IDE: variants seen among roughly 807,000 people sequenced by gnomAD.
IDE encodes insulin-degrading enzyme.
IDE carries 58 observed loss-of-function variants against 133.2 expected under a neutral mutation model. The observed-to-expected ratio is 0.44, with a 90% CI of 0.35 to 0.54. The LOEUF (loss-of-function observed/expected upper bound fraction) is 0.54, where lower values mean the gene tolerates loss of function less well. Ranked by LOEUF, IDE falls within the 20% of genes least tolerant of loss-of-function variation. The pLI, the probability that IDE is intolerant of heterozygous loss-of-function variation, is 0.00. For synonymous variants in IDE, 396 were observed against 421.3 expected, an observed-to-expected ratio of 0.94 and a Z score of 0.73; for missense variants, 981 against 1,234.0, an observed-to-expected ratio of 0.79 and a Z score of 3.07.
intron 4 of IDE, among the ~76,000 whole-genome samples, chr10:92,515,669 C>T (rs1473342081): frequency 6.8e-6 from 1 of 147,918 alleles, no homozygotes; most frequent in African/African-American, 2.5e-5. Flanking sequence ...TCAAGTGATT[C>T]TCCTGCCTCT....
intron 11 of IDE, among the ~76,000 whole-genome samples, chr10:92,494,228 A>ATT (rs56276579): frequency 1.1e-4 from 14 of 130,662 alleles, no homozygotes; most frequent in South Asian, 5.0e-4. Context: ...TACCCAGCCA[A>ATT]TTTTTTTTTT....
intron 17 of IDE, among the ~76,000 whole-genome samples, chr10:92,472,760 T>C (rs1846032328): frequency 6.7e-6 from 1 of 149,852 alleles, no homozygotes. Context: ...TGCCTCAGCC[T>C]ACCAAGTAGC....
chr10:92,510,650 G>T (rs1054418889), intron 5 of IDE, among the ~76,000 whole-genome samples: 1 of 150,818 alleles, frequency 6.6e-6, no homozygotes, highest in African/African-American at 2.4e-5. Flanking sequence ...TCACATATAT[G>T]ATATATATCA....
Position 92,468,966 on chromosome 10 carries a change from C to T in IDE, c.2233G>A (p.Val745Ile). The T allele has an allele frequency of 6.2e-7, 1 of 1,608,314 alleles. No individual in the cohort carries two copies. Among genetic ancestry groups the T allele is most frequent in the Non-Finnish European group, 8.5e-7 (1 of 1,174,724 alleles). Residue 745 changes from valine to isoleucine, a missense_variant, in exon 19 of 25, where the codon GTT becomes ATT. Coordinates refer to ENST00000265986, the MANE Select transcript of IDE (RefSeq NM_004969.4). ...GCATGTTCAATGAGGGTGTCTTCAA[C>T]CATCTGCATAATTCCTAATGCAGCC... is the stretch of plus-strand genomic sequence containing the variant. ...KQAALGIMQM[V>I]EDTLIEHAHT...
intron 14 of IDE, among the ~76,000 whole-genome samples, chr10:92,481,333 T>G (rs1319294395): frequency 1.3e-5 from 2 of 152,090 alleles, no homozygotes; most frequent in East Asian, 3.9e-4. Flanking sequence ...TCCCAGCTAC[T>G]CAGGAGGCTG....
intron 11 of IDE, among the ~76,000 whole-genome samples, chr10:92,503,381 G>C (rs1454246127): frequency 6.6e-6 from 1 of 152,098 alleles, no homozygotes; most frequent in East Asian, 1.9e-4. Context: ...TGCTGCTCAG[G>C]CTGGTCTTAA....
chr10:92,534,816 A>G, intron 2 of IDE, 31 bp from the exon 3 acceptor site: 1 of 1,528,720 alleles, frequency 6.5e-7, no homozygotes, highest in Non-Finnish European at 9.0e-7. Flanking sequence ...ATAATAAATC[A>G]TTGTCCTATG....
Position 92,537,405 on chromosome 10 carries a change from T to TG in IDE, c.243dup (p.Thr82HisfsTer4). On this transcript the variant is annotated frameshift_variant, in exon 2 of 25. Transcript: ENST00000265986. LOFTEE classifies it high-confidence loss of function. ...AGTGCTGCTGATGACTTATCCGTGG[T>TG]GGGATCACTGATAAGAAGTACTTTG... 1.2e-6 allele frequency: 2 copies of TG among 1,612,936 alleles called. No homozygotes were observed. The highest frequency in any genetic ancestry group is 1.7e-6 in the Non-Finnish European group (2 of 1,179,728).
intron 4 of IDE, among the ~76,000 whole-genome samples, chr10:92,523,828 C>T (rs1385581758): frequency 1.3e-5 from 2 of 152,056 alleles, no homozygotes; most frequent in African/African-American, 4.8e-5. Context: ...TTCCCACTCA[C>T]TCTTTGACCT....
intron 13 of IDE, among the ~76,000 whole-genome samples, chr10:92,484,966 G>T (rs763973268): frequency 6.6e-6 from 1 of 151,740 alleles, no homozygotes; most frequent in Non-Finnish European, 1.5e-5. Context: ...TGAGGTGGGT[G>T]GATCACTTTA....
intron 22 of IDE, among the ~76,000 whole-genome samples, chr10:92,458,963 A>G (rs1220190426): frequency 1.3e-5 from 2 of 152,140 alleles, no homozygotes; most frequent in East Asian, 1.9e-4. Context: ...CTTTTCCTCT[A>G]TACAATGCAA....
chr10:92,489,836 C>T (rs1342328667), intron 12 of IDE, among the ~76,000 whole-genome samples: 2 of 152,164 alleles, frequency 1.3e-5, no homozygotes, highest in Admixed American at 6.5e-5. Context: ...TAACTAGAAT[C>T]TAGCCTGAGT....
intron 4 of IDE, among the ~76,000 whole-genome samples, chr10:92,526,454 T>C (rs1242491680): frequency 6.6e-6 from 1 of 152,182 alleles, no homozygotes; most frequent in Non-Finnish European, 1.5e-5. Context: ...TCAGGTATTA[T>C]ACTATTAATA....
intron 11 of IDE, among the ~76,000 whole-genome samples, chr10:92,499,134 T>C (rs1424607011): frequency 1.3e-5 from 2 of 152,176 alleles, no homozygotes; most frequent in Non-Finnish European, 2.9e-5. Flanking sequence ...AGTAAATGCA[T>C]GTATCACTTA....
intron 5 of IDE, among the ~76,000 whole-genome samples, chr10:92,513,507 T>A (rs1287064220): frequency 6.6e-6 from 1 of 152,188 alleles, no homozygotes; most frequent in Non-Finnish European, 1.5e-5. Context: ...TTAGAGTTTT[T>A]AAAAATTTTG....
At chr10:92,456,844 C>CAAAAAAAAAAAAAAAA (rs57422406) in intron 22 of IDE, among the ~76,000 whole-genome samples, 53 of 52,194 alleles carry the variant, frequency 1.0e-3, no homozygotes, top group Admixed American at 1.7e-3. Flanking sequence ...GACTCTGTCT[C>CAAAAAAAAAAAAAAAA]AAAAAAAAAA....
intron 22 of IDE, among the ~76,000 whole-genome samples, chr10:92,459,046 T>C (rs1031330634): frequency 1.3e-5 from 2 of 152,354 alleles, no homozygotes; most frequent in African/African-American, 4.8e-5. Flanking sequence ...CAAATCTCAT[T>C]GCTGAAAAAG....
chr10:92,494,107 G>T (rs905880973), intron 11 of IDE, among the ~76,000 whole-genome samples: 4 of 151,938 alleles, frequency 2.6e-5, no homozygotes, highest in African/African-American at 9.7e-5. Context: ...TTCGAGACAG[G>T]GTCTTGTACA....
intron 15 of IDE, among the ~76,000 whole-genome samples, chr10:92,476,799 T>A (rs775095901): frequency 6.6e-5 from 10 of 152,212 alleles, no homozygotes; most frequent in Non-Finnish European, 1.0e-4. Context: ...AAAAAGAATA[T>A]CTAATGAAAG....
Sources: gnomAD v4.1 joint callset for allele counts (sites outside exome capture counted in the v4.1 genomes callset) on GRCh38, gnomAD v4.1.1 for gene constraint, MANE v1.5 for transcripts, NCBI Gene and HGNC (gene_info 2026-07-23, HGNC 2026-07-21) for gene names.